Variants in PDE4D observed in about 807,000 individuals in gnomAD.
PDE4D encodes the protein phosphodiesterase 4D.
In PDE4D, 24 loss-of-function variants were observed where a neutral mutation model predicts 87.4. The observed-to-expected ratio is 0.27, with a 90% CI of 0.20 to 0.39. The LOEUF (loss-of-function observed/expected upper bound fraction) is 0.39, where lower values mean the gene tolerates loss of function less well. Among genes scored for constraint, PDE4D ranks in the 10% least tolerant of loss-of-function variants. The pLI, the probability that PDE4D is intolerant of heterozygous loss-of-function variation, is 1.00. For missense variants in PDE4D, 714 were observed against 1,041.0 expected, an observed-to-expected ratio of 0.69 and a Z score of 4.32; for synonymous variants, 384 against 383.2, an observed-to-expected ratio of 1.00 and a Z score of -0.02.
chr5:59,604,505 G>C (rs295955), intron 1 of PDE4D, among the ~76,000 whole-genome samples: 131,054 of 151,902 alleles, frequency 0.86, 56,594 homozygotes, highest in South Asian at 0.93. Context: ...CGTAAGCTGG[G>C]AGGGTCGACT....
intron 6 of PDE4D, among the ~76,000 whole-genome samples, chr5:58,995,288 G>T (rs1215883125): frequency 6.6e-6 from 1 of 152,084 alleles, no homozygotes; most frequent in Non-Finnish European, 1.5e-5. Context: ...CAGATAATTT[G>T]TTAAATTTCC....
chr5:60,270,479 T>G (rs1224261046), intron 1 of PDE4D, among the ~76,000 whole-genome samples: 1 of 152,356 alleles, frequency 6.6e-6, no homozygotes, highest in East Asian at 1.9e-4. Flanking sequence ...GAATGGTAAT[T>G]TTTAAAAATT....
intron 1 of PDE4D, among the ~76,000 whole-genome samples, chr5:60,332,614 A>G (rs1291587074): frequency 5.9e-5 from 9 of 152,248 alleles, no homozygotes; most frequent in Non-Finnish European, 1.2e-4. Flanking sequence ...AACAGTATCC[A>G]AATTCTAATA....
intron 1 of PDE4D, among the ~76,000 whole-genome samples, chr5:59,542,463 C>T (rs1455381892): frequency 6.6e-6 from 1 of 152,102 alleles, no homozygotes; most frequent in Admixed American, 6.6e-5. Flanking sequence ...AATTGATGAA[C>T]CATTTTAGCA....
intron 1 of PDE4D, among the ~76,000 whole-genome samples, chr5:59,372,356 A>C (rs945031480): frequency 1.3e-5 from 2 of 152,262 alleles, no homozygotes; most frequent in African/African-American, 4.8e-5. Flanking sequence ...TGTTGGACAC[A>C]TCTTTGAAAA....
Position 59,367,819 on chromosome 5 carries a change from C to G in PDE4D, c.456-151851G>C, listed in dbSNP as rs143371704. On this transcript the variant is annotated intron_variant, in intron 1 of 14. Transcript: ENST00000340635. ...AAAAAGCAAGAGAGAGAGAAAGAAGCAGAGCTCTTAGTAGATGTAAAGAAA... is the reference window on the plus strand; with the variant it reads ...AAAAAGCAAGAGAGAGAGAAAGAAGGAGAGCTCTTAGTAGATGTAAAGAAA... Among the ~76,000 whole-genome samples, 760 of 152,310 alleles carry G rather than the reference C, an allele frequency of 5.0e-3. 5 individuals carry two copies. The highest frequency in any genetic ancestry group is 0.018 in the African/African-American group (736 of 41,566).
At chr5:59,327,889 G>T (rs1227848774) in intron 1 of PDE4D, among the ~76,000 whole-genome samples, 1 of 152,084 alleles carries the variant, frequency 6.6e-6, no homozygotes, top group Non-Finnish European at 1.5e-5. Flanking sequence ...GAAAAATGAG[G>T]ATAAAGCTCT....
At chr5:59,518,227 A>C (rs1811530771) in intron 1 of PDE4D, among the ~76,000 whole-genome samples, 1 of 151,138 alleles carries the variant, frequency 6.6e-6, no homozygotes, top group Middle Eastern at 3.4e-3. Flanking sequence ...GTGTGTATAA[A>C]ATTTACACCA....
intron 1 of PDE4D, among the ~76,000 whole-genome samples, chr5:59,818,779 G>A (rs962478886): frequency 5.3e-5 from 8 of 151,826 alleles, no homozygotes; most frequent in Non-Finnish European, 2.9e-5. Context: ...TCAGACTACA[G>A]GTAAAATATC....
At chr5:59,998,499 T>C (rs1352979600) in intron 2 of PDE4D, among the ~76,000 whole-genome samples, 3 of 152,094 alleles carry the variant, frequency 2.0e-5, no homozygotes, top group African/African-American at 7.2e-5. Flanking sequence ...ACCAAAATGT[T>C]TAAAAATAAG....
intron 1 of PDE4D, among the ~76,000 whole-genome samples, chr5:59,569,197 C>T (rs1359953423): frequency 1.3e-5 from 2 of 152,170 alleles, no homozygotes; most frequent in Admixed American, 6.5e-5. Context: ...CCTCTATCTC[C>T]ATTTTCTATG....
chr5:59,946,857 C>T (rs1376494375), intron 3 of PDE4D, among the ~76,000 whole-genome samples: 3 of 152,120 alleles, frequency 2.0e-5, no homozygotes, highest in Non-Finnish European at 4.4e-5. Flanking sequence ...CTTGTATAAC[C>T]GAGTTGTGTA....
chr5:59,749,444 A>C (rs1458044242), intron 1 of PDE4D, among the ~76,000 whole-genome samples: 1 of 151,954 alleles, frequency 6.6e-6, no homozygotes, highest in African/African-American at 2.4e-5. Flanking sequence ...TTGTAATTTT[A>C]TTTGAGATGA....
intron 1 of PDE4D, among the ~76,000 whole-genome samples, chr5:59,417,931 C>T (rs1793883127): frequency 6.6e-6 from 1 of 152,142 alleles, no homozygotes; most frequent in Non-Finnish European, 1.5e-5. Context: ...AAAGCAAAAA[C>T]AACAACAATA....
intron 1 of PDE4D, among the ~76,000 whole-genome samples, chr5:59,297,984 A>G (rs1411541109): frequency 6.6e-6 from 1 of 152,088 alleles, no homozygotes; most frequent in African/African-American, 2.4e-5. Flanking sequence ...ACTCTCTAAT[A>G]AAAATGGAAT....
chr5:59,663,976 G>A (rs910607337), intron 1 of PDE4D, among the ~76,000 whole-genome samples: 1 of 152,032 alleles, frequency 6.6e-6, no homozygotes, highest in Non-Finnish European at 1.5e-5. Context: ...GTAGAACTTT[G>A]TTTTAAAATT....
At chr5:59,760,329 C>G (rs1360031688) in intron 1 of PDE4D, among the ~76,000 whole-genome samples, 1 of 152,110 alleles carries the variant, frequency 6.6e-6, no homozygotes, top group Non-Finnish European at 1.5e-5. Context: ...TCCTAAAAGG[C>G]CTTTTGAAAG....
At chr5:59,965,401 A>C (rs192591743) in intron 3 of PDE4D, among the ~76,000 whole-genome samples, 1 of 152,232 alleles carries the variant, frequency 6.6e-6, no homozygotes, top group East Asian at 1.9e-4. Context: ...TCTCAGTGAG[A>C]TCTTCCATGG....
intron 1 of PDE4D, among the ~76,000 whole-genome samples, chr5:59,881,905 T>C (rs1380360761): frequency 6.6e-6 from 1 of 152,070 alleles, no homozygotes; most frequent in Non-Finnish European, 1.5e-5. Flanking sequence ...AGATCTGAAG[T>C]ATGAGTAGGT....
Sources: gnomAD v4.1 joint callset for allele counts (sites outside exome capture counted in the v4.1 genomes callset) on GRCh38, gnomAD v4.1.1 for gene constraint, MANE v1.5 for transcripts, NCBI Gene and HGNC (gene_info 2026-07-23, HGNC 2026-07-21) for gene names.